Variants in ADAMTS16 observed in about 807,000 individuals in gnomAD.
The protein encoded by ADAMTS16 is A disintegrin and metalloproteinase with thrombospondin motifs 16.
Under a neutral mutation model 145.8 loss-of-function variants are expected in ADAMTS16, and 94 were observed. The ratio of observed to expected loss-of-function variants is 0.64; its 90% CI spans 0.55 to 0.77. The LOEUF (loss-of-function observed/expected upper bound fraction) is 0.77. Ranked by LOEUF, ADAMTS16 falls within the 30% of genes least tolerant of loss-of-function variation. The pLI is 0.00. For synonymous variants in ADAMTS16, 659 were observed against 604.3 expected (o/e 1.09, Z -1.33); for missense variants, 1,585 against 1,591.5 (o/e 1.00, Z 0.07).
intron 12 of ADAMTS16, among the ~76,000 whole-genome samples, chr5:5,234,598 G>A (rs1327148032): frequency 1.3e-5 from 2 of 152,160 alleles, no homozygotes; most frequent in African/African-American, 4.8e-5. Flanking sequence ...CCAGCTGGGC[G>A]TGGTGGCTTC....
intron 9 of ADAMTS16, among the ~76,000 whole-genome samples, chr5:5,203,676 C>A (rs929757318): frequency 6.6e-6 from 1 of 152,172 alleles, no homozygotes; most frequent in Admixed American, 6.5e-5. Context: ...ATGTCTGCAT[C>A]CAGGAGGCCT....
rs1317080426 is a variant in ADAMTS16, at chr5:5,239,277, G to A, written c.2278+3G>A. The stretch of plus-strand genomic sequence containing the variant: ...CACCAAGCACCACCACACCAACCGT[G>A]AGTACTTTAGAGCTGCCTGCAAGCC... On this transcript the variant is annotated splice_donor_region_variant and intron_variant, in intron 15 of 22. Coordinates refer to ENST00000274181, the MANE Select transcript of ADAMTS16 (RefSeq NM_139056.4). The A allele has an allele frequency of 6.4e-7, 1 of 1,550,930 alleles. No homozygotes were observed. The highest frequency in any genetic ancestry group is 2.3e-5 in the East Asian group (1 of 43,782).
At chr5:5,305,783 T>C (rs1740121900) in intron 20 of ADAMTS16, among the ~76,000 whole-genome samples, 1 of 152,322 alleles carries the variant, frequency 6.6e-6, no homozygotes, top group East Asian at 1.9e-4. Context: ...TCGTCCGCTC[T>C]ACCCCAGCAG....
At chr5:5,195,053 A>T (rs975398396) in intron 8 of ADAMTS16, among the ~76,000 whole-genome samples, 6 of 152,174 alleles carry the variant, frequency 3.9e-5, no homozygotes, top group South Asian at 2.1e-4. Context: ...TCCACTTTTT[A>T]AAAAAATCTC....
rs552802282 is a variant in ADAMTS16 at position 5,155,189 on chromosome 5, T to C, written c.501+8734T>C. Among the ~76,000 whole-genome samples, 17 of 152,198 alleles carry C rather than the reference T, an allele frequency of 1.1e-4. 1 individual carries two copies. The highest frequency in any genetic ancestry group is 2.2e-4 in the African/African-American group (9 of 41,522). ...TAAATGTTACCTTTTAAGAAGGAAGTCCACTGGGTCTAGACAGGAAGCCCA... is the reference window on the plus strand; with the variant it reads ...TAAATGTTACCTTTTAAGAAGGAAGCCCACTGGGTCTAGACAGGAAGCCCA... On this transcript the variant is annotated intron_variant, in intron 3 of 22. Transcript: ENST00000274181.
At chr5:5,219,282 G>A (rs887694560) in intron 10 of ADAMTS16, among the ~76,000 whole-genome samples, 2 of 152,124 alleles carry the variant, frequency 1.3e-5, no homozygotes, top group Non-Finnish European at 2.9e-5. Context: ...ACAATAAATT[G>A]TTGTTAACTA....
At chr5:5,173,813 A>C (rs931936261) in intron 3 of ADAMTS16, among the ~76,000 whole-genome samples, 2 of 152,218 alleles carry the variant, frequency 1.3e-5, no homozygotes, top group African/African-American at 2.4e-5. Context: ...CTAAGAAACA[A>C]GTAAAGAGAA....
At chr5:5,318,444 C>G (rs1013016256) in intron 22 of ADAMTS16, among the ~76,000 whole-genome samples, 163 bp downstream of exon 22, 1 of 152,212 alleles carries the variant, frequency 6.6e-6, no homozygotes, top group Admixed American at 6.5e-5. Flanking sequence ...ATAGAGCAGA[C>G]CGGGCTGCCT....
rs1740388588 is a variant in ADAMTS16, at chr5:5,310,664, AC to A, written c.3411+3938del. ...ACAAAGAACACCGAGGACTGCCAGC[AC>A]CACCAGATTCTGCACCAGGCATGAC... On this transcript the variant is annotated intron_variant, in intron 21 of 22. Transcript: ENST00000274181. This position sits in a 1 kb window ranked among gnomAD's most constrained non-coding sequence, Gnocchi z 4.3. Among the ~76,000 whole-genome samples the A allele has an allele frequency of 6.6e-6, 1 of 152,136 alleles. No individual in the cohort carries two copies. The highest frequency in any genetic ancestry group is 1.5e-5 in the Non-Finnish European group (1 of 68,008).
At position 5,168,693 on chromosome 5, in the gene ADAMTS16, T is replaced by TG. The variant is rs1553987502; in HGVS notation, c.502-13351_502-13350insG. On this transcript the variant is annotated intron_variant, in intron 3 of 22. Coordinates refer to ENST00000274181, the MANE Select transcript of ADAMTS16 (RefSeq NM_139056.4). ...TAATAATTATAATTATATAATTATA[T>TG]AAATATAATATATAATAATTATAAT... Among the ~76,000 whole-genome samples the TG allele has an allele frequency of 2.4e-3, 311 of 130,982 alleles. 3 individuals carry two copies. Among genetic ancestry groups the TG allele is most frequent in the Non-Finnish European group, 3.5e-3 (225 of 63,880 alleles). The allele number at this position is 130,982 out of a possible 152,430, so 85.9% of individuals were successfully genotyped here.
At chr5:5,164,734 T>A (rs1734822986) in intron 3 of ADAMTS16, among the ~76,000 whole-genome samples, 2 of 152,198 alleles carry the variant, frequency 1.3e-5, no homozygotes. Flanking sequence ...TGGAGTGCAG[T>A]GGCACGATCT....
chr5:5,277,668 T>C (rs1579371611), intron 18 of ADAMTS16, among the ~76,000 whole-genome samples: 1 of 152,318 alleles, frequency 6.6e-6, no homozygotes, highest in Non-Finnish European at 1.5e-5. Flanking sequence ...GCATTTATGA[T>C]ATATTTCCTT....
intron 3 of ADAMTS16, among the ~76,000 whole-genome samples, chr5:5,165,161 A>T (rs781477565): frequency 6.6e-6 from 1 of 151,970 alleles, no homozygotes; most frequent in African/African-American, 2.4e-5. Flanking sequence ...TCCCACCTCC[A>T]GTGCCTTTTT....
At chr5:5,166,603 G>A (rs567317495) in intron 3 of ADAMTS16, among the ~76,000 whole-genome samples, 47 of 152,224 alleles carry the variant, frequency 3.1e-4, no homozygotes, top group African/African-American at 1.0e-3. Flanking sequence ...TTATAAATCA[G>A]TAGAGAAAAA....
chr5:5,176,093 A>T (rs1735188746), intron 3 of ADAMTS16: 1 of 152,260 alleles, frequency 6.6e-6, no homozygotes, highest in Non-Finnish European at 1.5e-5. Context: ...CTGTCTGGCC[A>T]TCTGGCTCTG....
intron 9 of ADAMTS16, among the ~76,000 whole-genome samples, chr5:5,202,022 G>A (rs754150308): frequency 6.6e-6 from 1 of 152,006 alleles, no homozygotes; most frequent in African/African-American, 2.4e-5. Context: ...TTGAGTAGCA[G>A]GATCACACCA....
At chr5:5,259,651 G>C (rs7737261) in intron 17 of ADAMTS16, among the ~76,000 whole-genome samples, 5,590 of 152,284 alleles carry the variant, frequency 0.037, 112 homozygotes, top group Middle Eastern at 0.044. Context: ...GGAGCAGGCA[G>C]GGAATCATCA....
intron 11 of ADAMTS16, among the ~76,000 whole-genome samples, chr5:5,225,600 TC>T (rs138540856): frequency 0.2 from 28,800 of 146,544 alleles, 3,194 homozygotes; most frequent in East Asian, 0.5. Context: ...AGACTTGGTT[TC>T]AAAAAAAAAA....
At chr5:5,219,031 G>A (rs4702247) in intron 10 of ADAMTS16, among the ~76,000 whole-genome samples, 84,531 of 151,862 alleles carry the variant, frequency 0.56, 25,082 homozygotes, top group East Asian at 0.88. Flanking sequence ...TGGAAAATGC[G>A]ACATTTGGGC....
Sources: gnomAD v4.1 joint callset for allele counts (sites outside exome capture counted in the v4.1 genomes callset) on GRCh38, gnomAD v4.1.1 for gene constraint, Gnocchi (gnomAD v3.1) non-coding constraint, MANE v1.5 for transcripts, NCBI Gene and HGNC (gene_info 2026-07-23, HGNC 2026-07-21) for gene names.